Variants in SLC44A5 observed in about 807,000 individuals in gnomAD.
The protein encoded by SLC44A5 is solute carrier family 44 member 5.
Under a neutral mutation model 101.8 loss-of-function variants are expected in SLC44A5, and 57 were observed. The observed-to-expected ratio is 0.56, with a 90% CI of 0.45 to 0.70. The LOEUF is 0.70. SLC44A5 is among the 30% of genes least tolerant of loss of function. The pLI, the probability that SLC44A5 is intolerant of heterozygous loss-of-function variation, is 0.00. For synonymous variants in SLC44A5, 281 were observed against 290.9 expected (o/e 0.97, Z 0.35); for missense variants, 737 against 853.1 (o/e 0.86, Z 1.70).
intron 1 of SLC44A5, among the ~76,000 whole-genome samples, chr1:75,577,098 C>G (rs575808446): frequency 6.6e-6 from 1 of 152,148 alleles, no homozygotes; most frequent in Non-Finnish European, 1.5e-5. Flanking sequence ...ATCCTGTTGG[C>G]TCTATCTTCA....
upstream of SLC44A5, chr1:75,616,034 G>A: frequency 8.8e-6 from 3 of 340,268 alleles, 1 homozygote; most frequent in East Asian, 3.4e-4. Flanking sequence ...GCCGGGCTGC[G>A]CGCTCAGCTC....
intron 2 of SLC44A5, among the ~76,000 whole-genome samples, chr1:75,459,077 C>T (rs1570341476): frequency 6.6e-6 from 1 of 152,144 alleles, no homozygotes; most frequent in East Asian, 1.9e-4. Context: ...GATAGTGCCC[C>T]GGAGAAATCA....
At chr1:75,219,236 G>C in intron 16 of SLC44A5, 21 bp downstream of exon 16, 1 of 1,506,852 alleles carries the variant, frequency 6.6e-7, no homozygotes, top group Non-Finnish European at 9.2e-7. Flanking sequence ...GTAAGTAAAT[G>C]AAAGAGTTTC....
At chr1:75,243,461 TAA>T (rs947253657) in intron 7 of SLC44A5, among the ~76,000 whole-genome samples, 2 of 152,044 alleles carry the variant, frequency 1.3e-5, no homozygotes, top group African/African-American at 4.8e-5. Flanking sequence ...AGTCTTATTG[TAA>T]AAAATGAAAT....
intron 3 of SLC44A5, among the ~76,000 whole-genome samples, chr1:75,376,060 C>G (rs989268165): frequency 3.9e-4 from 59 of 152,170 alleles, no homozygotes; most frequent in Non-Finnish European, 7.8e-4. Context: ...CTTTCCAAGT[C>G]AAAGAAAGGG....
chr1:75,217,252 G>C (rs622132), intron 18 of SLC44A5, among the ~76,000 whole-genome samples: 1 of 151,816 alleles, frequency 6.6e-6, no homozygotes, highest in Non-Finnish European at 1.5e-5. Context: ...TTAGTTTCTG[G>C]GATTTCTGTT....
the SLC44A5 span, among the ~76,000 whole-genome samples, chr1:75,634,294 T>A: frequency 3.3e-5 from 5 of 152,198 alleles, no homozygotes; most frequent in South Asian, 1.0e-3. Flanking sequence ...TCAGAAGGAA[T>A]GGTACCAGTT....
At chr1:75,672,281 G>A in the SLC44A5 span, among the ~76,000 whole-genome samples, 1 of 152,136 alleles carries the variant, frequency 6.6e-6, no homozygotes, top group Admixed American at 6.5e-5. Flanking sequence ...GGAAAAATCT[G>A]TGTACTTTGG....
chr1:75,398,858 C>T (rs1662297435), intron 2 of SLC44A5, among the ~76,000 whole-genome samples: 1 of 151,628 alleles, frequency 6.6e-6, no homozygotes, highest in Non-Finnish European at 1.5e-5. Context: ...GATACCAAAG[C>T]CATACTATTT....
At chr1:75,219,502 A>T (rs1282392047) in intron 15 of SLC44A5, among the ~76,000 whole-genome samples, 158 bp from the exon 16 acceptor site, 2 of 152,206 alleles carry the variant, frequency 1.3e-5, no homozygotes, top group African/African-American at 4.8e-5. Flanking sequence ...AGATTAATGT[A>T]ATGTGGGCCA....
intron 2 of SLC44A5, among the ~76,000 whole-genome samples, chr1:75,503,217 T>C (rs756288710): frequency 6.6e-6 from 1 of 152,142 alleles, no homozygotes; most frequent in African/African-American, 2.4e-5. Flanking sequence ...TGTTAATACA[T>C]ATTAATAATT....
chr1:75,706,399 A>C, the SLC44A5 span, among the ~76,000 whole-genome samples: 1 of 152,150 alleles, frequency 6.6e-6, no homozygotes, highest in Non-Finnish European at 1.5e-5. Flanking sequence ...TGTATACTTC[A>C]ATTTAAAAAT....
At chr1:75,678,155 C>T in the SLC44A5 span, among the ~76,000 whole-genome samples, 39,732 of 152,036 alleles carry the variant, frequency 0.26, 6,466 homozygotes, top group East Asian at 0.68. Flanking sequence ...AGTCTGAGAT[C>T]AAACTGCAAG....
intron 2 of SLC44A5, among the ~76,000 whole-genome samples, chr1:75,475,770 A>G (rs2101746530): frequency 6.6e-6 from 1 of 152,378 alleles, no homozygotes; most frequent in Non-Finnish European, 1.5e-5. Context: ...GTGAGGGCTA[A>G]AGAGATTAAA....
intron 2 of SLC44A5, among the ~76,000 whole-genome samples, chr1:75,419,376 T>C (rs1415947272): frequency 1.3e-5 from 2 of 149,418 alleles, no homozygotes; most frequent in African/African-American, 4.9e-5. Flanking sequence ...GAGAAAGACA[T>C]ATATACAGAG....
chr1:75,413,200 A>C (rs924911772), intron 2 of SLC44A5, among the ~76,000 whole-genome samples: 1 of 152,172 alleles, frequency 6.6e-6, no homozygotes, highest in Non-Finnish European at 1.5e-5. Context: ...GTGTATATAG[A>C]AAAAATAGAG....
intron 2 of SLC44A5, chr1:75,522,237 G>T (rs900211944): frequency 6.6e-6 from 1 of 152,040 alleles, no homozygotes; most frequent in African/African-American, 2.4e-5. Flanking sequence ...AATGTTTTGA[G>T]CAAACTGCTG....
At chr1:75,475,937 C>G (rs935961756) in intron 2 of SLC44A5, among the ~76,000 whole-genome samples, 15 of 152,220 alleles carry the variant, frequency 9.9e-5, no homozygotes, top group African/African-American at 3.6e-4. Flanking sequence ...GTAATCCCAG[C>G]ACTTCGGGAA....
At chr1:75,458,525 A>G (rs997193396) in intron 2 of SLC44A5, among the ~76,000 whole-genome samples, 1 of 152,182 alleles carries the variant, frequency 6.6e-6, no homozygotes, top group Non-Finnish European at 1.5e-5. Flanking sequence ...CAATAGCCCA[A>G]TAAAGAGACT....
Sources: allele counts gnomAD v4.1 joint callset (sites outside exome capture counted in the v4.1 genomes callset), GRCh38; gene constraint gnomAD v4.1.1; transcripts MANE v1.5; gene names NCBI Gene and HGNC (gene_info 2026-07-23, HGNC 2026-07-21).